Variants in ZSWIM8 observed in about 807,000 individuals in gnomAD.
ZSWIM8 encodes the protein zinc finger SWIM domain-containing protein 8.
Under a neutral mutation model 173.7 loss-of-function variants are expected in ZSWIM8, and 27 were observed. The observed-to-expected ratio is 0.16, with a 90% CI of 0.11 to 0.21. The LOEUF (loss-of-function observed/expected upper bound fraction) is 0.21, where lower values mean the gene tolerates loss of function less well. ZSWIM8 is among the 10% of genes least tolerant of loss of function. The probability of loss-of-function intolerance (pLI) is 1.00; values close to 1 mark genes in which losing one functional copy is unlikely to be tolerated. For missense variants in ZSWIM8, 1,627 were observed against 2,428.8 expected (o/e 0.67, Z 6.94); for synonymous variants, 958 against 962.0 (o/e 1.00, Z 0.08).
In ZSWIM8 at chr10:73,797,112, G is replaced by C. The variant is rs1204324406; in HGVS notation, c.3275-1G>C. 1 of 1,613,520 alleles carries C rather than the reference G, an allele frequency of 6.2e-7. No individual in the cohort carries two copies. Among genetic ancestry groups the C allele is most frequent in the Non-Finnish European group, 8.5e-7 (1 of 1,179,672 alleles). On this transcript the variant is annotated splice_acceptor_variant, in intron 16 of 25. Transcript: ENST00000604729. LOFTEE classifies it high-confidence loss of function. The surrounding 1 kb of genome is among the most constrained non-coding windows in gnomAD (Gnocchi z 5.6). ...CCCAGCGTCCTGTTTTCCTCACCTA[G>C]AGAGTTCCCCACATTCCCCCTGTGA...
At chr10:73,793,794 G>T in intron 11 of ZSWIM8, 71 bp from the exon 12 acceptor site, 1 of 1,550,612 alleles carries the variant, frequency 6.4e-7, no homozygotes, top group South Asian at 1.2e-5. Flanking sequence ...CCCCAAGTGA[G>T]AGCATCCTTC....
Position 73,801,680 on chromosome 10 carries a change from C to G in ZSWIM8, c.*161C>G. On this transcript the variant is annotated 3_prime_UTR_variant, in exon 26 of 26. Coordinates refer to ENST00000604729, the MANE Select transcript of ZSWIM8 (RefSeq NM_001367799.1). This position sits in a 1 kb window ranked among gnomAD's most constrained non-coding sequence, Gnocchi z 4.9. ...GGGCTATAGCTTGGGGCCAAGATGT[C>G]TCACACCCTAGAAGCCTAGGGCTGG... 1 of 1,534,580 alleles carries G rather than the reference C, an allele frequency of 6.5e-7. No homozygotes were observed. Among genetic ancestry groups the G allele is most frequent in the Non-Finnish European group, 8.7e-7 (1 of 1,146,394 alleles).
intron 15 of ZSWIM8, chr10:73,796,426 A>G (rs1303260302): frequency 2.4e-6 from 1 of 413,714 alleles, no homozygotes; most frequent in Non-Finnish European, 4.6e-6. Flanking sequence ...TCTTGGGGAC[A>G]TCTCATAAAG....
At position 73,792,579 on chromosome 10, in the gene ZSWIM8, G is replaced by A. The variant is rs1197984333; in HGVS notation, c.2040G>A (p.Glu680=). The change falls in exon 10 of 26, where the codon GAG becomes GAA. Residue 680 remains glutamate (E), a synonymous_variant. Coordinates refer to ENST00000604729, the MANE Select transcript of ZSWIM8 (RefSeq NM_001367799.1). This position sits in a 1 kb window ranked among gnomAD's most constrained non-coding sequence, Gnocchi z 4.3. The part of the protein sequence containing the change: ...DGGVYFSEGP[E]PPTASVGPPG... ...GTGTGTACTTCTCGGAAGGGCCTGA[G>A]CCTCCCACAGCCTCTGTTGGCCCCC... 1.2e-6 allele frequency: 2 copies of A among 1,614,042 alleles called. No homozygotes were observed. Among genetic ancestry groups the A allele is most frequent in the South Asian group, 1.1e-5 (1 of 91,090 alleles).
At chr10:73,786,342 G>C (rs1051223052) in intron 1 of ZSWIM8, 3 of 408,138 alleles carry the variant, frequency 7.4e-6, no homozygotes, top group Admixed American at 4.4e-5. Context: ...GTGTGTGTGT[G>C]TGTGCGCGCG....
Position 73,793,967 on chromosome 10 carries a change from C to T in ZSWIM8, c.2548C>T (p.His850Tyr). ...LLTVLSERPE[H>Y]HNLAFRVGMF... ...GACAGTGCTAAGTGAGCGTCCAGAGCACCACAACCTGGCCTTCCGAGTTGG... is the reference window on the plus strand; with the variant it reads ...GACAGTGCTAAGTGAGCGTCCAGAGTACCACAACCTGGCCTTCCGAGTTGG... The change falls in exon 12 of 26, where the codon CAC becomes TAC. Residue 850 changes from histidine (H) to tyrosine (Y), a missense_variant. His to Tyr is a moderately conservative substitution (Grantham distance 83). This residue lies in a region of ZSWIM8 where 169 missense variants were observed against 235.3 expected (regional missense o/e 0.72). Transcript: ENST00000604729. 3.7e-6 allele frequency: 6 copies of T among 1,613,480 alleles called. No homozygotes were observed. Among genetic ancestry groups the T allele is most frequent in the Non-Finnish European group, 5.1e-6 (6 of 1,179,666 alleles).
rs1323000616 is a variant in ZSWIM8 at position 73,793,583 on chromosome 10, T to C, written c.2314-5T>C. On this transcript the variant is annotated splice_region_variant and splice_polypyrimidine_tract_variant and intron_variant, in intron 10 of 25. Transcript: ENST00000604729. ...AACCTGTCTGGTCCCATGTCCTCCT[T>C]CCAGGTACTGTTTGCCTGTGCTGAG... 2 of 1,582,370 alleles carry C rather than the reference T, an allele frequency of 1.3e-6. No homozygotes were observed. The highest frequency in any genetic ancestry group is 1.4e-5 in the African/African-American group (1 of 73,996).
At chr10:73,786,327 GGTGTGT>G (rs575266137) in intron 1 of ZSWIM8, 32 of 418,192 alleles carry the variant, frequency 7.7e-5, no homozygotes, top group East Asian at 1.2e-4. Flanking sequence ...TGTGTGTGTG[GGTGTGT>G]GTGTGTGTGT....
Position 73,791,629 on chromosome 10 carries a change from G to C in ZSWIM8, c.1319+130G>C, listed in dbSNP as rs984297591. ...CGGGAAACGGGAGGTGCTGAGCACT[G>C]GTGTTAGCAGTGATTTACGAGTCCT... On this transcript the variant is annotated intron_variant, in intron 9 of 25. Transcript: ENST00000604729. The surrounding 1 kb of genome is among the most constrained non-coding windows in gnomAD (Gnocchi z 6.0). 8.5e-7 allele frequency: 1 copy of C among 1,181,656 alleles called. No individual in the cohort carries two copies. The highest frequency in any genetic ancestry group is 2.9e-5 in the Admixed American group (1 of 33,914). The allele number at this position is 1,181,656 out of a possible 1,614,324, so 73.2% of individuals were successfully genotyped here. A position where few individuals can be genotyped will look rare whatever the true frequency, so the allele number is the denominator to read the frequency against.
At chr10:73,793,761 C>A in intron 11 of ZSWIM8, 42 bp downstream of exon 11, 1 of 1,569,114 alleles carries the variant, frequency 6.4e-7, no homozygotes, top group African/African-American at 1.3e-5. Context: ...CCCCACTTAC[C>A]CCCAACCTGC....
At chr10:73,799,523 T>C (rs760687947) in intron 21 of ZSWIM8, 33 bp downstream of exon 21, 2 of 1,584,370 alleles carry the variant, frequency 1.3e-6, no homozygotes, top group East Asian at 2.3e-5. Flanking sequence ...GGGTAAGGCA[T>C]GGGAAAATAC....
chr10:73,788,767 G>A lies in ZSWIM8; in HGVS notation c.306G>A (p.Glu102=), dbSNP rs2083310554. The A allele has an allele frequency of 1.2e-6, 2 of 1,613,866 alleles. No homozygotes were observed. Among genetic ancestry groups the A allele is most frequent in the African/African-American group, 1.3e-5 (1 of 74,942 alleles). The change falls in exon 2 of 26, where the codon GAG becomes GAA. Residue 102 remains glutamate (E), a synonymous_variant. Transcript: ENST00000604729. ...VVEKVYPPVP[E]QLQLRIAFWS... is the part of the protein sequence containing the mutation. Reference sequence around the variant, plus strand: ...AGAAAGTTTACCCACCAGTGCCTGAGCAGCTACAGCTCCGAATTGCTTTTT... The same window carrying A: ...AGAAAGTTTACCCACCAGTGCCTGAACAGCTACAGCTCCGAATTGCTTTTT...
rs2083895330 is a variant in ZSWIM8, at chr10:73,800,586, T to C, written c.5003-54T>C. 6.2e-7 allele frequency: 1 copy of C among 1,605,692 alleles called. No homozygotes were observed. The highest frequency in any genetic ancestry group is 8.5e-7 in the Non-Finnish European group (1 of 1,174,988). On this transcript the variant is annotated intron_variant, in intron 23 of 25. Coordinates refer to ENST00000604729, the MANE Select transcript of ZSWIM8 (RefSeq NM_001367799.1). The surrounding 1 kb of genome is among the most constrained non-coding windows in gnomAD (Gnocchi z 4.1). ...TGTGGGGTCAGGTGACAGGTTGGGG[T>C]AAAGGGTGAAGAGGATACACCGTAC...
Position 73,789,858 on chromosome 10 carries a change from C to T in ZSWIM8, c.738+34C>T, listed in dbSNP as rs1589557629. ...GGTCGGCACCCCCTCCTGCAATTAG[C>T]TCCGGGCCAGGCCGCATAACAGCCT... is the stretch of plus-strand genomic sequence containing the variant. On this transcript the variant is annotated intron_variant, in intron 5 of 25. Coordinates refer to ENST00000604729, the MANE Select transcript of ZSWIM8 (RefSeq NM_001367799.1). The surrounding 1 kb of genome is among the most constrained non-coding windows in gnomAD (Gnocchi z 6.8). The T allele has an allele frequency of 3.8e-6, 6 of 1,585,854 alleles. No individual in the cohort carries two copies. In the African/African-American group the frequency reaches 6.7e-5, roughly 18 times the overall value.
In ZSWIM8 at chr10:73,792,469, C is replaced by T; in HGVS notation, c.1930C>T (p.Pro644Ser). 1.9e-6 allele frequency: 3 copies of T among 1,610,828 alleles called. No homozygotes were observed. Among genetic ancestry groups the T allele is most frequent in the Non-Finnish European group, 2.5e-6 (3 of 1,178,458 alleles). Residue 644 changes from proline (P) to serine (S), a missense_variant, in exon 10 of 26, where the codon CCT becomes TCT. Transcript: ENST00000604729. The surrounding 1 kb of genome is among the most constrained non-coding windows in gnomAD (Gnocchi z 4.3). ...CACCTTCGGGGGATTCCCTGAGAGC[C>T]CTCCACCCTGTCCTCTCCACGGTGG... ...ASTFGGFPESPPPCPLHGGSR... is the reference protein window; with the variant it reads ...ASTFGGFPESSPPCPLHGGSR...
Position 73,800,984 on chromosome 10 carries a change from C to A in ZSWIM8, c.5123-33C>A, listed in dbSNP as rs1029891429. On this transcript the variant is annotated intron_variant, in intron 24 of 25. Coordinates refer to ENST00000604729, the MANE Select transcript of ZSWIM8 (RefSeq NM_001367799.1). This position sits in a 1 kb window ranked among gnomAD's most constrained non-coding sequence, Gnocchi z 4.1. ...TGGGTCCCTAGGGCAGAGGTGGCCA[C>A]CCCCGTCTCATGCCCCTCCCCCTGC... The A allele has an allele frequency of 6.6e-7, 1 of 1,525,660 alleles. No individual in the cohort carries two copies. Among genetic ancestry groups the A allele is most frequent in the Admixed American group, 2.0e-5 (1 of 50,178 alleles). The allele number at this position is 1,525,660 out of a possible 1,614,324, so 94.5% of individuals were successfully genotyped here. A position where few individuals can be genotyped will look rare whatever the true frequency, so the allele number is the denominator to read the frequency against.
In ZSWIM8 at chr10:73,785,676, C is replaced by T. The variant is rs1457164581; in HGVS notation, c.-203C>T. The T allele has an allele frequency of 1.5e-6, 1 of 652,840 alleles. No homozygotes were observed. The highest frequency in any genetic ancestry group is 3.6e-5 in the East Asian group (1 of 27,846). The allele number at this position is 652,840 out of a possible 1,614,324, so 40.4% of individuals were successfully genotyped here. A position where few individuals can be genotyped will look rare whatever the true frequency, so the allele number is the denominator to read the frequency against. ...AGTCTCGGAGACTGGCCAAGATCAC[C>T]GCTTGCACCGCGCTGTTGGGCGAGG... On this transcript the variant is annotated 5_prime_UTR_variant, in exon 1 of 26. Coordinates refer to ENST00000604729, the MANE Select transcript of ZSWIM8 (RefSeq NM_001367799.1).
rs752188874 is a variant in ZSWIM8 at position 73,793,892 on chromosome 10, C to T, written c.2473C>T (p.Arg825Cys). 1.1e-5 allele frequency: 17 copies of T among 1,611,964 alleles called. No individual in the cohort carries two copies. Among genetic ancestry groups the T allele is most frequent in the Middle Eastern group, 1.6e-4 (1 of 6,072 alleles). The part of the protein sequence containing the change: ...KGKKNKVSTS[R>C]QTWVATNTLS... Reference sequence around the variant, plus strand: ...CAAGAAGAACAAGGTATCCACGAGCCGTCAGACCTGGGTGGCTACCAACAC... The same window carrying T: ...CAAGAAGAACAAGGTATCCACGAGCTGTCAGACCTGGGTGGCTACCAACAC... Residue 825 changes from arginine (R) to cysteine (C), a missense_variant, in exon 12 of 26, where the codon CGT becomes TGT. Around this residue, in one of 18 missense-constraint regions of ZSWIM8, gnomAD observed 169 missense variants for 235.3 expected, o/e 0.72. Coordinates refer to ENST00000604729, the MANE Select transcript of ZSWIM8 (RefSeq NM_001367799.1).
intron 7 of ZSWIM8, 21 bp downstream of exon 7, chr10:73,790,313 C>G (rs752481238): frequency 1.3e-6 from 2 of 1,580,882 alleles, no homozygotes; most frequent in Admixed American, 1.8e-5. Flanking sequence ...TCTCTGCATA[C>G]CTGTGTCTGT....
Sources: allele counts gnomAD v4.1 joint callset, GRCh38; gene constraint gnomAD v4.1.1; regional missense constraint gnomAD v4.1.1; non-coding constraint Gnocchi (gnomAD v3.1); transcripts MANE v1.5; gene names NCBI Gene and HGNC (gene_info 2026-07-23, HGNC 2026-07-21).